Variants in KHDRBS3 observed in about 807,000 individuals in gnomAD.
KHDRBS3 encodes KH RNA binding domain containing, signal transduction associated 3.
In KHDRBS3, 23 loss-of-function variants were observed where a neutral mutation model predicts 45.6. The observed-to-expected ratio is 0.50, with a 90% CI of 0.36 to 0.72. The LOEUF (loss-of-function observed/expected upper bound fraction) is 0.72, where lower values mean the gene tolerates loss of function less well. KHDRBS3 is among the 30% of genes least tolerant of loss of function. KHDRBS3 has a pLI of 0.00. For missense variants in KHDRBS3, 352 were observed against 424.8 expected (o/e 0.83, Z 1.51); for synonymous variants, 162 against 156.5 (o/e 1.04, Z -0.26).
intron 5 of KHDRBS3, among the ~76,000 whole-genome samples, chr8:135,561,951 A>C (rs1368940081): frequency 6.6e-6 from 1 of 152,192 alleles, no homozygotes; most frequent in East Asian, 1.9e-4. Context: ...GTTTTAAGCC[A>C]AGTGTTGCTA....
chr8:135,472,284 G>A (rs1183214725), intron 1 of KHDRBS3, among the ~76,000 whole-genome samples: 1 of 152,084 alleles, frequency 6.6e-6, no homozygotes, highest in Non-Finnish European at 1.5e-5. Context: ...CTGGGCCCAC[G>A]TACATACCTT....
At chr8:135,503,571 T>G (rs981685371) in intron 1 of KHDRBS3, among the ~76,000 whole-genome samples, 3 of 152,016 alleles carry the variant, frequency 2.0e-5, no homozygotes, top group African/African-American at 7.2e-5. Flanking sequence ...TTTTTTTGTT[T>G]TTTTTTTTTC....
chr8:135,516,041 A>G (rs1040787938), intron 1 of KHDRBS3, among the ~76,000 whole-genome samples: 1 of 152,228 alleles, frequency 6.6e-6, no homozygotes, highest in Non-Finnish European at 1.5e-5. Context: ...CACATAGGCT[A>G]GGTGATATAG....
chr8:135,577,940 G>A (rs186007435), intron 5 of KHDRBS3, among the ~76,000 whole-genome samples: 7 of 152,274 alleles, frequency 4.6e-5, no homozygotes, highest in African/African-American at 1.7e-4. Flanking sequence ...TAATACGTGA[G>A]AAGTGGTATC....
At chr8:135,651,928 C>T (rs143818099), downstream of KHDRBS3, among the ~76,000 whole-genome samples, 133 of 152,122 alleles carry the variant, frequency 8.7e-4, no homozygotes, top group East Asian at 0.021. Flanking sequence ...TTGTTTAACT[C>T]AAAATGAAAG....
intron 1 of KHDRBS3, among the ~76,000 whole-genome samples, chr8:135,467,621 C>T (rs1821764674): frequency 6.6e-6 from 1 of 152,214 alleles, no homozygotes; most frequent in Non-Finnish European, 1.5e-5. Flanking sequence ...CTGATGTTTC[C>T]TTAAAATTAG....
At chr8:135,526,400 A>T (rs1055273254) in intron 2 of KHDRBS3, among the ~76,000 whole-genome samples, 2 of 152,156 alleles carry the variant, frequency 1.3e-5, no homozygotes, top group Non-Finnish European at 2.9e-5. Flanking sequence ...GTCCATTTCA[A>T]GTACTTACAA....
At chr8:135,551,926 T>C (rs1010491326) in intron 4 of KHDRBS3, among the ~76,000 whole-genome samples, 2 of 152,198 alleles carry the variant, frequency 1.3e-5, no homozygotes, top group African/African-American at 4.8e-5. Flanking sequence ...TATATAATTA[T>C]TGATTGATCG....
chr8:135,546,484 T>C (rs1826309577), intron 3 of KHDRBS3, among the ~76,000 whole-genome samples: 1 of 152,222 alleles, frequency 6.6e-6, no homozygotes, highest in African/African-American at 2.4e-5. Context: ...CTCCGGTCTG[T>C]TGAGCTTTCA....
At position 135,582,016 on chromosome 8, in the gene KHDRBS3, C is replaced by T. The variant is rs1445288704; in HGVS notation, c.750C>T (p.Pro250=). ...TCACTCCCAGAGCAAGAGGAGTCCC[C>T]CCAACTGGGTACAGACCTCCACCGC... The part of the protein sequence containing the change: ...GLLTPRARGV[P]PTGYRPPPPP... Residue 250 remains proline, a synonymous_variant, in exon 6 of 9, where the codon CCC becomes CCT. Transcript: ENST00000355849. 6.2e-7 allele frequency: 1 copy of T among 1,612,110 alleles called. No individual in the cohort carries two copies. The highest frequency in any genetic ancestry group is 1.1e-5 in the South Asian group (1 of 90,670).
intron 1 of KHDRBS3, chr8:135,458,793 A>G (rs1270512427): frequency 2.2e-6 from 1 of 451,782 alleles, no homozygotes; most frequent in Non-Finnish European, 4.4e-6. Context: ...GGTGTGAAAG[A>G]TCCTAGGAAG....
intron 2 of KHDRBS3, chr8:135,541,068 C>G (rs1826026182): frequency 6.6e-6 from 1 of 152,088 alleles, no homozygotes; most frequent in Admixed American, 6.5e-5. Context: ...AAAGAAGAAA[C>G]AGCTGTAAGA....
At chr8:135,523,012 T>A (rs1824995508) in intron 2 of KHDRBS3, among the ~76,000 whole-genome samples, 1 of 152,186 alleles carries the variant, frequency 6.6e-6, no homozygotes, top group Non-Finnish European at 1.5e-5. Flanking sequence ...CTTCTTTTAA[T>A]CTATTTATGA....
chr8:135,638,175 T>A (rs1830897713), intron 7 of KHDRBS3, among the ~76,000 whole-genome samples: 1 of 152,194 alleles, frequency 6.6e-6, no homozygotes, highest in Non-Finnish European at 1.5e-5. Context: ...CATAACTGAT[T>A]GAAGAACTGT....
intron 1 of KHDRBS3, among the ~76,000 whole-genome samples, chr8:135,508,998 C>T (rs1824142682): frequency 6.6e-6 from 1 of 152,208 alleles, no homozygotes; most frequent in African/African-American, 2.4e-5. Context: ...CAGTATTCAC[C>T]ATTGGGACCA....
intron 2 of KHDRBS3, among the ~76,000 whole-genome samples, chr8:135,529,861 C>T (rs1043830313): frequency 6.6e-6 from 1 of 151,830 alleles, no homozygotes; most frequent in Non-Finnish European, 1.5e-5. Context: ...GAGATTGAGA[C>T]CACAGTGAAA....
chr8:135,635,899 A>G (rs1830791857), intron 7 of KHDRBS3, among the ~76,000 whole-genome samples: 1 of 152,238 alleles, frequency 6.6e-6, no homozygotes, highest in South Asian at 2.1e-4. Flanking sequence ...CAAAAAAGTC[A>G]TATTATCACC....
At chr8:135,489,947 G>C (rs1823058307) in intron 1 of KHDRBS3, among the ~76,000 whole-genome samples, 1 of 151,966 alleles carries the variant, frequency 6.6e-6, no homozygotes, top group African/African-American at 2.4e-5. Flanking sequence ...CAGGTGTTCT[G>C]TTTTTTATCT....
intron 5 of KHDRBS3, among the ~76,000 whole-genome samples, chr8:135,576,531 G>C (rs1357166491): frequency 1.3e-5 from 2 of 151,512 alleles, no homozygotes; most frequent in Non-Finnish European, 2.9e-5. Flanking sequence ...TCTTTCAGTT[G>C]GCTTTGACAC....
Sources: gnomAD v4.1 joint callset for allele counts (sites outside exome capture counted in the v4.1 genomes callset) on GRCh38, gnomAD v4.1.1 for gene constraint, MANE v1.5 for transcripts, NCBI Gene and HGNC (gene_info 2026-07-23, HGNC 2026-07-21) for gene names.